Variants in PAX5 observed in about 807,000 individuals in gnomAD.
PAX5 encodes paired box protein Pax-5.
PAX5 carries 9 observed loss-of-function variants against 43.7 expected under a neutral mutation model. The observed-to-expected ratio is 0.21, with a 90% CI of 0.12 to 0.36. The LOEUF is 0.36. Ranked by LOEUF, PAX5 falls within the 10% of genes least tolerant of loss-of-function variation. The pLI is 1.00. For synonymous variants in PAX5, 228 were observed against 214.3 expected (o/e 1.06, Z -0.56); for missense variants, 383 against 532.7 (o/e 0.72, Z 2.77).
intron 7 of PAX5, among the ~76,000 whole-genome samples, chr9:36,901,713 G>T (rs1587919368): frequency 6.6e-6 from 1 of 152,166 alleles, no homozygotes; most frequent in South Asian, 2.1e-4. Context: ...ATGCTCTGTT[G>T]CTTCACCCCA....
intron 7 of PAX5, among the ~76,000 whole-genome samples, chr9:36,910,657 C>T (rs188679006): frequency 7.9e-5 from 12 of 152,350 alleles, no homozygotes; most frequent in African/African-American, 2.6e-4. Flanking sequence ...ACCTCAGCTT[C>T]TGGCCTGACA....
chr9:36,937,553 G>C (rs1163098799), intron 6 of PAX5, among the ~76,000 whole-genome samples: 1 of 152,182 alleles, frequency 6.6e-6, no homozygotes, highest in African/African-American at 2.4e-5. Context: ...CCCTGACGGG[G>C]ACACCACCTG....
In PAX5 at chr9:36,882,207, G is replaced by A. The variant is rs1826493170; in HGVS notation, c.911-102C>T. ...TTCTGCACATTTGTCACGTTTGGAC[G>A]CTGAACGGCAATGTGCCCCCAGCTC... On this transcript the variant is annotated intron_variant, in intron 7 of 9. Coordinates refer to ENST00000358127, the MANE Select transcript of PAX5 (RefSeq NM_016734.3). This position sits in a 1 kb window ranked among gnomAD's most constrained non-coding sequence, Gnocchi z 4.4. The A allele has an allele frequency of 5.4e-6, 5 of 923,700 alleles. No individual in the cohort carries two copies. Among genetic ancestry groups the A allele is most frequent in the East Asian group, 2.7e-5 (1 of 37,002 alleles). The allele number at this position is 923,700 out of a possible 1,614,324, so 57.2% of individuals were successfully genotyped here.
rs1033728062 is a variant in PAX5, at chr9:36,838,491, G to T, written c.*2069C>A. 1.3e-5 allele frequency: 3 copies of T among 232,804 alleles called. No individual in the cohort carries two copies. Among genetic ancestry groups the T allele is most frequent in the African/African-American group, 4.4e-5 (2 of 45,306 alleles). 14.4% of individuals were successfully genotyped at this position (232,804 alleles called of 1,614,324 possible). ...TCTTCTGTTCCACCACCCTGTGGGGGACTTAGGGAACAAAATACTTAGCGG... is the reference window on the plus strand; with the variant it reads ...TCTTCTGTTCCACCACCCTGTGGGGTACTTAGGGAACAAAATACTTAGCGG... On this transcript the variant is annotated 3_prime_UTR_variant, in exon 10 of 10. Transcript: ENST00000358127.
At chr9:36,869,869 T>TGGAA (rs1412354166) in intron 8 of PAX5, among the ~76,000 whole-genome samples, 4 of 140,842 alleles carry the variant, frequency 2.8e-5, no homozygotes, top group Admixed American at 2.8e-4. Flanking sequence ...GATGGATGGA[T>TGGAA]GGATAAATGG....
At chr9:36,933,602 C>T (rs1831308294) in intron 6 of PAX5, among the ~76,000 whole-genome samples, 1 of 152,178 alleles carries the variant, frequency 6.6e-6, no homozygotes, top group Non-Finnish European at 1.5e-5. Flanking sequence ...TACTGCCACC[C>T]CTGAAGGTAC....
intron 1 of PAX5, among the ~76,000 whole-genome samples, chr9:37,026,067 C>G (rs1163680698): frequency 2.0e-5 from 3 of 152,254 alleles, no homozygotes; most frequent in African/African-American, 7.2e-5. Flanking sequence ...TCTTCCTCCA[C>G]ACATACAGAC....
chr9:36,900,340 G>A (rs192897857), intron 7 of PAX5, among the ~76,000 whole-genome samples: 215 of 152,294 alleles, frequency 1.4e-3, no homozygotes, highest in Non-Finnish European at 2.4e-3. Flanking sequence ...GGTGTCCAGC[G>A]ACGGTTGTGT....
At chr9:36,856,037 T>C (rs145355132) in intron 8 of PAX5, among the ~76,000 whole-genome samples, 33 of 152,308 alleles carry the variant, frequency 2.2e-4, no homozygotes, top group African/African-American at 7.5e-4. Flanking sequence ...GACCCTGTCT[T>C]GTTTCCCCTG....
chr9:36,922,334 C>T (rs778029114), intron 7 of PAX5, among the ~76,000 whole-genome samples: 2 of 152,218 alleles, frequency 1.3e-5, no homozygotes, highest in Non-Finnish European at 2.9e-5. Context: ...ACATGGGCAT[C>T]CTGCTACCTC....
At chr9:37,020,941 G>A (rs1033764255) in intron 1 of PAX5, 140 bp from the exon 2 acceptor site, 19 of 776,932 alleles carry the variant, frequency 2.4e-5, no homozygotes, top group South Asian at 5.6e-5. Context: ...GAGTCCAATC[G>A]TGCAAACTAC....
intron 3 of PAX5, among the ~76,000 whole-genome samples, chr9:37,010,247 G>A (rs1838812011): frequency 6.6e-6 from 1 of 152,178 alleles, no homozygotes; most frequent in South Asian, 2.1e-4. Context: ...TGCTGAGCGT[G>A]AGCAGGACCC....
chr9:37,020,559 C>A, intron 2 of PAX5, 77 bp downstream of exon 2: 1 of 1,407,844 alleles, frequency 7.1e-7, no homozygotes, highest in South Asian at 1.2e-5. Context: ...ATGATACTGT[C>A]ATATTGGACA....
Position 36,837,190 on chromosome 9 carries a change from G to T in PAX5, c.*3370C>A, listed in dbSNP as rs538440272. The stretch of plus-strand genomic sequence containing the variant: ...GCCTGGAGATCTGAGAATTCACTTC[G>T]CCTCTATGTTGCCGTGAGAGCCCCA... On this transcript the variant is annotated 3_prime_UTR_variant, in exon 10 of 10. Coordinates refer to ENST00000358127, the MANE Select transcript of PAX5 (RefSeq NM_016734.3). 1 of 232,980 alleles carries T rather than the reference G, an allele frequency of 4.3e-6. No individual in the cohort carries two copies. Among genetic ancestry groups the T allele is most frequent in the East Asian group, 6.0e-5 (1 of 16,552 alleles). The allele number at this position is 232,980 out of a possible 1,614,324, so 14.4% of individuals were successfully genotyped here. A position where few individuals can be genotyped will look rare whatever the true frequency, so the allele number is the denominator to read the frequency against.
chr9:36,833,721 A>T lies in PAX5; in HGVS notation c.*6839T>A, dbSNP rs1326108180. 1 of 233,046 alleles carries T rather than the reference A, an allele frequency of 4.3e-6. No individual in the cohort carries two copies. Among genetic ancestry groups the T allele is most frequent in the African/African-American group, 2.2e-5 (1 of 45,336 alleles). 14.4% of individuals were successfully genotyped at this position (233,046 alleles called of 1,614,324 possible). On this transcript the variant is annotated 3_prime_UTR_variant, in exon 10 of 10. Transcript: ENST00000358127. ...AAAAAAACCACCAATATTTCAAGTC[A>T]GTTATTTTCTACTAGAAAAAAAGAA...
intron 8 of PAX5, among the ~76,000 whole-genome samples, chr9:36,847,242 T>C (rs568816114): frequency 5.3e-5 from 8 of 152,306 alleles, no homozygotes; most frequent in African/African-American, 1.4e-4. Context: ...TCATTTTACA[T>C]ATGAGAAGGC....
chr9:36,882,111 GAATCA>G lies in PAX5; in HGVS notation c.911-11_911-7del. On this transcript the variant is annotated splice_region_variant and splice_polypyrimidine_tract_variant and intron_variant, in intron 7 of 9. Coordinates refer to ENST00000358127, the MANE Select transcript of PAX5 (RefSeq NM_016734.3). The surrounding 1 kb of genome is among the most constrained non-coding windows in gnomAD (Gnocchi z 4.4). ...CGTGCTCGCCAAGTCACGGCCTGAG[GAATCA>G]AAGCAACAAATCACAGGGTGAGCAT... 2 of 1,577,030 alleles carry G rather than the reference GAATCA, an allele frequency of 1.3e-6. No individual in the cohort carries two copies. Among genetic ancestry groups the G allele is most frequent in the South Asian group, 2.3e-5 (2 of 87,326 alleles).
At position 36,835,025 on chromosome 9, in the gene PAX5, C is replaced by T. The variant is rs2131549067; in HGVS notation, c.*5535G>A. ...GGTGGGTGGGTTTGTGCCTCTGTCT[C>T]TCCTGCCACAGGCCAAGTACCCTAC... is the stretch of plus-strand genomic sequence containing the variant. On this transcript the variant is annotated 3_prime_UTR_variant, in exon 10 of 10. Coordinates refer to ENST00000358127, the MANE Select transcript of PAX5 (RefSeq NM_016734.3). 1.3e-5 allele frequency: 3 copies of T among 233,344 alleles called. No homozygotes were observed. The highest frequency in any genetic ancestry group is 2.5e-5 in the Non-Finnish European group (3 of 118,074). The allele number at this position is 233,344 out of a possible 1,614,324, so 14.5% of individuals were successfully genotyped here.
chr9:36,992,419 G>C (rs371736140), intron 5 of PAX5, among the ~76,000 whole-genome samples: 4 of 152,196 alleles, frequency 2.6e-5, no homozygotes, highest in Admixed American at 2.0e-4. Context: ...GAATAGGCAG[G>C]GTTCTGAAAC....
Sources: gnomAD v4.1 joint callset for allele counts (sites outside exome capture counted in the v4.1 genomes callset) on GRCh38, gnomAD v4.1.1 for gene constraint, Gnocchi (gnomAD v3.1) non-coding constraint, MANE v1.5 for transcripts, NCBI Gene and HGNC (gene_info 2026-07-23, HGNC 2026-07-21) for gene names.